The following KIAA1328 variants were observed in gnomAD, a reference collection of about 807,000 sequenced individuals.
KIAA1328 encodes protein hinderin.
Under a neutral mutation model 68.1 loss-of-function variants are expected in KIAA1328, and 52 were observed. The observed-to-expected ratio is 0.76, with a 90% CI of 0.61 to 0.96. The LOEUF (loss-of-function observed/expected upper bound fraction) is 0.96, where lower values mean the gene tolerates loss of function less well. Ranked by LOEUF, KIAA1328 falls within the 40% of genes least tolerant of loss-of-function variation. KIAA1328 has a pLI of 0.00. For synonymous variants in KIAA1328, 232 were observed against 239.4 expected, an observed-to-expected ratio of 0.97 and a Z score of 0.28; for missense variants, 641 against 677.6, an observed-to-expected ratio of 0.95 and a Z score of 0.60.
At chr18:36,937,593 A>C (rs987882738) in intron 5 of KIAA1328, among the ~76,000 whole-genome samples, 7 of 152,356 alleles carry the variant, frequency 4.6e-5, no homozygotes, top group Non-Finnish European at 1.0e-4. Context: ...TGTGGCCAAC[A>C]AACATATGAA....
intron 5 of KIAA1328, among the ~76,000 whole-genome samples, chr18:36,913,540 G>A (rs1188555368): frequency 1.0e-4 from 2 of 19,220 alleles, no homozygotes; most frequent in Non-Finnish European, 2.0e-4. Flanking sequence ...GAAAGCAACT[G>A]CCTACACACA....
chr18:37,149,121 G>A (rs2058971670), intron 7 of KIAA1328, among the ~76,000 whole-genome samples: 1 of 152,054 alleles, frequency 6.6e-6, no homozygotes, highest in African/African-American at 2.4e-5. Context: ...AGCCAAGACA[G>A]TCCTAAGCAA....
At chr18:36,961,271 A>G (rs4299222) in intron 6 of KIAA1328, among the ~76,000 whole-genome samples, 111,511 of 152,106 alleles carry the variant, frequency 0.73, 43,968 homozygotes, top group South Asian at 0.89. Flanking sequence ...AGAGAAAAAA[A>G]AGTAAAAACA....
chr18:36,979,551 G>T (rs977935245), intron 6 of KIAA1328, among the ~76,000 whole-genome samples: 8 of 152,176 alleles, frequency 5.3e-5, no homozygotes, highest in Non-Finnish European at 1.0e-4. Flanking sequence ...CAGAATAAAG[G>T]CTGGTATAGA....
chr18:37,015,050 G>A (rs748795042), intron 6 of KIAA1328, among the ~76,000 whole-genome samples: 28 of 151,960 alleles, frequency 1.8e-4, no homozygotes, highest in African/African-American at 2.7e-4. Flanking sequence ...TTACAGGCAC[G>A]CACTGCCATG....
chr18:37,172,915 G>T, intron 8 of KIAA1328, 58 bp from the exon 9 acceptor site: 2 of 1,289,534 alleles, frequency 1.6e-6, no homozygotes, highest in Non-Finnish European at 2.2e-6. Context: ...TACTAAGAGT[G>T]AACTTTTCCA....
At chr18:37,095,305 T>C (rs2057373768) in intron 7 of KIAA1328, among the ~76,000 whole-genome samples, 1 of 152,192 alleles carries the variant, frequency 6.6e-6, no homozygotes, top group African/African-American at 2.4e-5. Flanking sequence ...ACACAGAACA[T>C]TCTCCAGGAT....
chr18:37,176,463 G>A (rs1034996843), intron 9 of KIAA1328, among the ~76,000 whole-genome samples: 1 of 152,176 alleles, frequency 6.6e-6, no homozygotes, highest in Non-Finnish European at 1.5e-5. Context: ...GCTGAAAGCT[G>A]CAGTGTTTCT....
chr18:36,959,324 T>C lies in KIAA1328; in HGVS notation c.465T>C (p.Tyr155=), dbSNP rs2051557414. The C allele has an allele frequency of 1.2e-6, 2 of 1,600,452 alleles. No individual in the cohort carries two copies. The highest frequency in any genetic ancestry group is 1.7e-6 in the Non-Finnish European group (2 of 1,174,640). ...CAATCTCACCTCTTCAGCTACAGTA[T>C]AGAGAATGCCAAGAACTTCTAAGCC... The part of the protein sequence containing the change: ...IKEREALQLQ[Y]RECQELLSLY... The change falls in exon 6 of 10, where the codon TAT becomes TAC. Residue 155 remains tyrosine (Y), a synonymous_variant. Transcript: ENST00000280020.
intron 4 of KIAA1328, among the ~76,000 whole-genome samples, chr18:36,877,884 G>T (rs1332464042): frequency 1.3e-5 from 2 of 151,674 alleles, no homozygotes; most frequent in Non-Finnish European, 2.9e-5. Context: ...AGCCAGGATG[G>T]TCTCGATCTC....
At chr18:37,027,166 G>A (rs560747918) in intron 6 of KIAA1328, among the ~76,000 whole-genome samples, 6 of 152,296 alleles carry the variant, frequency 3.9e-5, no homozygotes, top group Admixed American at 6.5e-5. Flanking sequence ...TACAAGGGAC[G>A]TGAAGGACCT....
At chr18:37,205,780 A>G (rs1306504756) in intron 9 of KIAA1328, among the ~76,000 whole-genome samples, 1 of 152,216 alleles carries the variant, frequency 6.6e-6, no homozygotes, top group African/African-American at 2.4e-5. Context: ...CCCAAATGTT[A>G]ATGTTTCAAG....
intron 7 of KIAA1328, among the ~76,000 whole-genome samples, chr18:37,095,433 A>G (rs1208204484): frequency 6.6e-6 from 1 of 152,176 alleles, no homozygotes; most frequent in Non-Finnish European, 1.5e-5. Flanking sequence ...AGGAACTATA[A>G]AAAAATGTAC....
At chr18:36,993,979 A>G (rs1222487766) in intron 6 of KIAA1328, among the ~76,000 whole-genome samples, 1 of 151,880 alleles carries the variant, frequency 6.6e-6, no homozygotes, top group Non-Finnish European at 1.5e-5. Flanking sequence ...AAAAAAAAAA[A>G]AAAAGAAAAG....
intron 9 of KIAA1328, among the ~76,000 whole-genome samples, chr18:37,216,726 G>T (rs1370793688): frequency 1.3e-5 from 2 of 151,960 alleles, no homozygotes; most frequent in Non-Finnish European, 2.9e-5. Flanking sequence ...TATTGACAGT[G>T]GGGTGTTAAA....
At chr18:37,225,397 A>C (rs1280582352), downstream of KIAA1328, 1 of 769,408 alleles carries the variant, frequency 1.3e-6, no homozygotes, top group East Asian at 1.3e-4. Context: ...GCATAGCTTG[A>C]AAGCAAGTGC....
chr18:36,984,339 G>A (rs529416601), intron 6 of KIAA1328, among the ~76,000 whole-genome samples: 1 of 152,170 alleles, frequency 6.6e-6, no homozygotes, highest in South Asian at 2.1e-4. Context: ...TAAATAGCAT[G>A]ACCATCTACA....
At chr18:36,985,464 T>G (rs1043373643) in intron 6 of KIAA1328, among the ~76,000 whole-genome samples, 2 of 152,176 alleles carry the variant, frequency 1.3e-5, no homozygotes, top group Non-Finnish European at 2.9e-5. Context: ...CTTATCAATC[T>G]TATTATAAAC....
At chr18:37,049,263 G>A (rs145787186) in intron 6 of KIAA1328, among the ~76,000 whole-genome samples, 2 of 152,214 alleles carry the variant, frequency 1.3e-5, no homozygotes, top group Admixed American at 6.5e-5. Context: ...ATGCTCTTGC[G>A]GTGCCTGGGA....
Sources: gnomAD v4.1 joint callset for allele counts (sites outside exome capture counted in the v4.1 genomes callset) on GRCh38, gnomAD v4.1.1 for gene constraint, MANE v1.5 for transcripts, NCBI Gene and HGNC (gene_info 2026-07-23, HGNC 2026-07-21) for gene names.